The following F13A1 variants were observed in gnomAD, a reference collection of about 807,000 sequenced individuals.
The protein encoded by F13A1 is FSF, A subunit.
Under a neutral mutation model 80.1 loss-of-function variants are expected in F13A1, and 47 were observed. The ratio of observed to expected loss-of-function variants is 0.59; its 90% CI spans 0.46 to 0.75. The LOEUF is 0.75. Among genes scored for constraint, F13A1 ranks in the 30% least tolerant of loss-of-function variants. The pLI is 0.00. For synonymous variants in F13A1, 349 were observed against 344.9 expected (o/e 1.01, Z -0.13); for missense variants, 817 against 930.4 (o/e 0.88, Z 1.59).
chr6:6,155,431 G>A (rs1052416125), intron 13 of F13A1, among the ~76,000 whole-genome samples: 8 of 152,286 alleles, frequency 5.3e-5, no homozygotes, highest in African/African-American at 1.9e-4. Context: ...TTTCCCTGAT[G>A]CTGGAGTGGG....
intron 8 of F13A1, among the ~76,000 whole-genome samples, chr6:6,204,108 G>A (rs9392757): frequency 0.056 from 8,501 of 152,114 alleles, 686 homozygotes; most frequent in East Asian, 0.43. Flanking sequence ...TGGGCTTCAG[G>A]GTGCTATGTG....
chr6:6,172,156 C>A (rs1004510647), intron 12 of F13A1, among the ~76,000 whole-genome samples: 2 of 152,194 alleles, frequency 1.3e-5, no homozygotes, highest in South Asian at 4.1e-4. Context: ...ATCAAGAACC[C>A]CGGGGTGTGT....
chr6:6,190,010 T>A (rs1036636508), intron 10 of F13A1, among the ~76,000 whole-genome samples: 2 of 152,222 alleles, frequency 1.3e-5, no homozygotes, highest in Non-Finnish European at 2.9e-5. Flanking sequence ...TTCCAGTTGA[T>A]CGCATCGGCT....
chr6:6,164,147 G>T (rs899073327), intron 13 of F13A1, among the ~76,000 whole-genome samples: 13 of 151,962 alleles, frequency 8.6e-5, no homozygotes, highest in African/African-American at 3.1e-4. Flanking sequence ...TAAAAAGTGG[G>T]CAAGGGACAT....
chr6:6,204,198 C>T (rs1761447709), intron 8 of F13A1, among the ~76,000 whole-genome samples: 1 of 152,180 alleles, frequency 6.6e-6, no homozygotes, highest in Admixed American at 6.5e-5. Flanking sequence ...CTTAAACAGT[C>T]CACAGGGTCA....
intron 10 of F13A1, among the ~76,000 whole-genome samples, chr6:6,190,275 G>T (rs138466647): frequency 2.6e-5 from 4 of 152,184 alleles, no homozygotes; most frequent in Non-Finnish European, 5.9e-5. Context: ...GAGGAACTGC[G>T]TTCCTTTGGA....
At position 6,172,550 on chromosome 6, in the gene F13A1, AT is replaced by A. The variant is rs377312717; in HGVS notation, c.1747+2029del. ...AACCTCCACCTCCTGAGTTCAGGTG[AT>A]TCTCCTGTCTTAGCCTCCCAAGTAG... On this transcript the variant is annotated intron_variant, in intron 12 of 14. Coordinates refer to ENST00000264870, the MANE Select transcript of F13A1 (RefSeq NM_000129.4). Among the ~76,000 whole-genome samples the A allele has an allele frequency of 7.7e-4, 116 of 151,380 alleles. 1 individual carries two copies. Among genetic ancestry groups the A allele is most frequent in the African/African-American group, 2.6e-3 (109 of 41,188 alleles).
At chr6:6,179,538 G>T (rs1489196953) in intron 11 of F13A1, among the ~76,000 whole-genome samples, 1 of 152,182 alleles carries the variant, frequency 6.6e-6, no homozygotes, top group Non-Finnish European at 1.5e-5. Flanking sequence ...AGTCCTCACT[G>T]CATGCCAGTG....
chr6:6,290,685 C>T (rs546998872), intron 3 of F13A1, among the ~76,000 whole-genome samples: 1 of 152,278 alleles, frequency 6.6e-6, no homozygotes, highest in African/African-American at 2.4e-5. Flanking sequence ...CTCTGGGAAA[C>T]ACTGTCCTAC....
At chr6:6,269,623 T>C (rs374779269) in intron 3 of F13A1, among the ~76,000 whole-genome samples, 96 of 152,306 alleles carry the variant, frequency 6.3e-4, no homozygotes, top group African/African-American at 1.8e-3. Context: ...TAATGATCAA[T>C]GTAATCTCCA....
At chr6:6,292,922 G>A (rs1185153257) in intron 3 of F13A1, among the ~76,000 whole-genome samples, 1 of 152,214 alleles carries the variant, frequency 6.6e-6, no homozygotes, top group African/African-American at 2.4e-5. Context: ...TACTTTCACA[G>A]CTTGCCTTAC....
At chr6:6,153,256 G>A (rs146369780) in intron 13 of F13A1, among the ~76,000 whole-genome samples, 176 of 152,290 alleles carry the variant, frequency 1.2e-3, no homozygotes, top group African/African-American at 3.5e-3. Context: ...GAAATGAGGC[G>A]TTTTTAAGAA....
At chr6:6,296,655 A>G (rs12374623) in intron 3 of F13A1, among the ~76,000 whole-genome samples, 12,107 of 148,234 alleles carry the variant, frequency 0.082, 652 homozygotes, top group Middle Eastern at 0.13. Flanking sequence ...GGCTGAGACA[A>G]TGGGGTTTTC....
chr6:6,207,506 T>C (rs1004476126), intron 8 of F13A1, among the ~76,000 whole-genome samples: 4 of 152,202 alleles, frequency 2.6e-5, no homozygotes, highest in African/African-American at 9.6e-5. Flanking sequence ...GGGAATAAGA[T>C]GTCCATAGGA....
At chr6:6,238,715 C>CATATATATATATATATATATATGTAT (rs4053228) in intron 6 of F13A1, among the ~76,000 whole-genome samples, 2,848 of 145,798 alleles carry the variant, frequency 0.02, 105 homozygotes, top group African/African-American at 0.069. Context: ...AAACATGCTG[C>CATATATATATATATATATATATGTAT]ATATATATAT....
intron 10 of F13A1, among the ~76,000 whole-genome samples, chr6:6,185,280 C>T (rs571956585): frequency 1.7e-5 from 2 of 120,594 alleles, no homozygotes; most frequent in Non-Finnish European, 3.4e-5. Flanking sequence ...TCCCTCCCCC[C>T]TCCCCCCACC....
intron 1 of F13A1, among the ~76,000 whole-genome samples, 161 bp downstream of exon 1, chr6:6,320,426 G>C (rs1220167104): frequency 6.6e-6 from 1 of 152,210 alleles, no homozygotes; most frequent in African/African-American, 2.4e-5. Context: ...CTGGGCAGGT[G>C]CGGAGTTGGG....
Position 6,167,488 on chromosome 6 carries a change from G to T in F13A1, c.1878C>A (p.Thr626=), listed in dbSNP as rs149970442. The T allele has an allele frequency of 2.0e-5, 32 of 1,613,980 alleles. No individual in the cohort carries two copies. Among genetic ancestry groups the T allele is most frequent in the African/African-American group, 4.0e-5 (3 of 74,902 alleles). ...TRDVLAKQKS[T]VLTIPEIIIK... ...TGATGATCTCAGGGATGGTTAGCAC[G>T]GTGGACTTTTGCTTGGCCAGAACAT... The change falls in exon 13 of 15, where the codon ACC becomes ACA. Residue 626 remains threonine (T), a synonymous_variant. Coordinates refer to ENST00000264870, the MANE Select transcript of F13A1 (RefSeq NM_000129.4).
At chr6:6,289,510 A>T (rs1321359546) in intron 3 of F13A1, among the ~76,000 whole-genome samples, 1 of 149,520 alleles carries the variant, frequency 6.7e-6, no homozygotes, top group East Asian at 1.9e-4. Flanking sequence ...CTTTGGGGGA[A>T]AAAAAGGAGG....
Sources: allele counts gnomAD v4.1 joint callset (sites outside exome capture counted in the v4.1 genomes callset), GRCh38; gene constraint gnomAD v4.1.1; transcripts MANE v1.5; gene names NCBI Gene and HGNC (gene_info 2026-07-23, HGNC 2026-07-21).